The following DMD variants were observed in gnomAD, a reference collection of about 807,000 sequenced individuals.
DMD encodes the protein dystrophin.
A neutral mutation model predicts 330.1 loss-of-function variants in DMD; 63 were observed. That is an observed-to-expected ratio of 0.19 (90% CI 0.16 to 0.24). DMD has a LOEUF of 0.24. Among genes scored for constraint, DMD ranks in the 10% least tolerant of loss-of-function variants. The pLI, the probability that DMD is intolerant of heterozygous loss-of-function variation, is 1.00. For synonymous variants in DMD, 1,223 were observed against 959.8 expected, an observed-to-expected ratio of 1.27 and a Z score of -5.07; for missense variants, 3,344 against 2,684.1, an observed-to-expected ratio of 1.25 and a Z score of -5.43.
At chrX:32,030,273 T>C (rs745470589) in intron 44 of DMD, among the ~76,000 whole-genome samples, 1 of 112,189 alleles carries the variant, frequency 8.9e-6, no homozygotes, top group African/African-American at 3.2e-5. Flanking sequence ...ACCATTTCAA[T>C]CAAAGCATGA....
chrX:32,674,957 C>T (rs779037849), intron 9 of DMD, among the ~76,000 whole-genome samples: 3 of 111,589 alleles, frequency 2.7e-5, no homozygotes, highest in South Asian at 3.7e-4. Flanking sequence ...ATATAATAGA[C>T]TTTAATGTTC....
At chrX:31,723,123 G>A (rs911103796) in intron 52 of DMD, among the ~76,000 whole-genome samples, 1 of 108,833 alleles carries the variant, frequency 9.2e-6, no homozygotes, top group Non-Finnish European at 1.9e-5. Context: ...TTGTGTGGGG[G>A]GTGGGTGGTG....
At chrX:31,367,872 A>G (rs5927738) in intron 60 of DMD, among the ~76,000 whole-genome samples, 35,457 of 110,577 alleles carry the variant, frequency 0.32, 4,235 homozygotes, top group East Asian at 0.67. Flanking sequence ...TTCTTGTATT[A>G]TTATTATTCA....
At chrX:31,940,682 C>CT (rs112016307) in intron 45 of DMD, among the ~76,000 whole-genome samples, 36,102 of 99,424 alleles carry the variant, frequency 0.36, 5,572 homozygotes, top group African/African-American at 0.56. Context: ...GAGGTGTGGG[C>CT]TTTTTTTTTT....
chrX:32,710,190 C>G (rs1454030256), intron 7 of DMD, among the ~76,000 whole-genome samples: 1 of 109,646 alleles, frequency 9.1e-6, no homozygotes, highest in Non-Finnish European at 1.9e-5. Context: ...ATTCACCACT[C>G]TCTTGTGAGT....
chrX:31,947,286 C>T (rs1314306173), intron 45 of DMD, among the ~76,000 whole-genome samples: 2 of 111,432 alleles, frequency 1.8e-5, no homozygotes, highest in Admixed American at 9.5e-5. Context: ...TCACCACAGT[C>T]GGCTACATTT....
intron 57 of DMD, among the ~76,000 whole-genome samples, chrX:31,481,528 G>T (rs182158724): frequency 6.6e-4 from 74 of 111,877 alleles, no homozygotes; most frequent in Middle Eastern, 4.6e-3. Flanking sequence ...GAGAGAAAAA[G>T]AAACAAGAAT....
intron 42 of DMD, among the ~76,000 whole-genome samples, chrX:32,302,295 A>AG: frequency 9.0e-6 from 1 of 111,415 alleles, no homozygotes; most frequent in East Asian, 2.8e-4. Flanking sequence ...TGTTTAAGGT[A>AG]AGCTAGGCTA....
At chrX:31,921,193 T>C (rs1391512909) in intron 47 of DMD, among the ~76,000 whole-genome samples, 4 of 111,340 alleles carry the variant, frequency 3.6e-5, no homozygotes, top group Non-Finnish European at 7.5e-5. Context: ...AATAGATTGA[T>C]AAAAACGATG....
intron 44 of DMD, among the ~76,000 whole-genome samples, chrX:32,191,188 C>A (rs977447693): frequency 2.7e-5 from 3 of 111,623 alleles, no homozygotes; most frequent in Non-Finnish European, 5.7e-5. Context: ...TGTCACCCCC[C>A]ACTTTAGCTT....
chrX:32,665,487 G>A (rs185337777), intron 9 of DMD, among the ~76,000 whole-genome samples: 62 of 112,225 alleles, frequency 5.5e-4, no homozygotes, highest in African/African-American at 1.8e-3. Context: ...GCACACTTAA[G>A]AAGCAATGTC....
At chrX:32,054,404 T>C (rs768946475) in intron 44 of DMD, among the ~76,000 whole-genome samples, 2 of 95,113 alleles carry the variant, frequency 2.1e-5, no homozygotes, top group East Asian at 7.4e-4. Flanking sequence ...CCATGTGTTC[T>C]CATTGTTCAA....
intron 60 of DMD, among the ~76,000 whole-genome samples, chrX:31,363,996 A>G (rs1335436414): frequency 8.9e-6 from 1 of 112,669 alleles, no homozygotes; most frequent in Non-Finnish European, 1.9e-5. Context: ...TATGTCTATA[A>G]CTGGTTGAGG....
intron 63 of DMD, among the ~76,000 whole-genome samples, chrX:31,248,399 C>T (rs746517105): frequency 8.9e-6 from 1 of 111,990 alleles, no homozygotes; most frequent in South Asian, 3.7e-4. Context: ...GAAGCTTATC[C>T]TTAGTGTTTG....
chrX:31,997,427 TG>T (rs1188785879), intron 44 of DMD, among the ~76,000 whole-genome samples: 4 of 93,842 alleles, frequency 4.3e-5, no homozygotes, highest in African/African-American at 1.8e-4. Context: ...TATTTTTTTT[TG>T]TTTTTTGTTT....
At position 32,411,925 on chromosome X, in the gene DMD, G is replaced by A. The variant is rs755069008; in HGVS notation, c.4072-12C>T. ...TGCCTCCTTACAGCCTAAAAAGAAGGAATAAGAGTGTATCAGTTAAATGTT... is the reference window on the plus strand; with the variant it reads ...TGCCTCCTTACAGCCTAAAAAGAAGAAATAAGAGTGTATCAGTTAAATGTT... On this transcript the variant is annotated splice_polypyrimidine_tract_variant and intron_variant, in intron 29 of 78. Coordinates refer to ENST00000357033, the MANE Select transcript of DMD (RefSeq NM_004006.3). The A allele has an allele frequency of 2.5e-4, 306 of 1,206,745 alleles. 5 individuals carry two copies. In the South Asian group the frequency reaches 5.1e-3, roughly 20 times the overall value.
chrX:32,459,783 A>G (rs1323487754), intron 25 of DMD, among the ~76,000 whole-genome samples: 1 of 111,386 alleles, frequency 9.0e-6, no homozygotes, highest in Non-Finnish European at 1.9e-5. Context: ...GATCTGTTAA[A>G]AAGAATAAAG....
chrX:32,138,753 A>G (rs771331046), intron 44 of DMD, among the ~76,000 whole-genome samples: 1 of 112,088 alleles, frequency 8.9e-6, no homozygotes, highest in Non-Finnish European at 1.9e-5. Context: ...ATCTCAAGCT[A>G]CAGCTCCTGT....
intron 21 of DMD, among the ~76,000 whole-genome samples, chrX:32,473,851 T>C (rs2040917626): frequency 9.0e-6 from 1 of 110,780 alleles, no homozygotes; most frequent in South Asian, 3.9e-4. Flanking sequence ...TATTTTTCCA[T>C]AAGTTATTGG....
Sources: gnomAD v4.1 joint callset for allele counts (sites outside exome capture counted in the v4.1 genomes callset) on GRCh38, gnomAD v4.1.1 for gene constraint, MANE v1.5 for transcripts, NCBI Gene and HGNC (gene_info 2026-07-23, HGNC 2026-07-21) for gene names.